The following MELK variants were observed in gnomAD, a reference collection of about 807,000 sequenced individuals.
MELK encodes pEg3 kinase.
MELK carries 81 observed loss-of-function variants against 85.0 expected under a neutral mutation model. That is an observed-to-expected ratio of 0.95 (90% CI 0.80 to 1.15). The LOEUF is 1.15. Ranked by LOEUF, MELK falls within the 50% of genes most tolerant of loss-of-function variation. The pLI, the probability that MELK is intolerant of heterozygous loss-of-function variation, is 0.00. For missense variants in MELK, 754 were observed against 777.5 expected (o/e 0.97, Z 0.36); for synonymous variants, 252 against 265.0 (o/e 0.95, Z 0.48).
rs899473677 is a variant in MELK at position 36,668,761 on chromosome 9, C to T, written c.1409-549C>T. ...AACTCCTGACCTCATGATCCGCCCT[C>T]CTCGGCCTCCCAAGGTGCTGGGATT... On this transcript the variant is annotated intron_variant, in intron 14 of 17. Coordinates refer to ENST00000298048, the MANE Select transcript of MELK (RefSeq NM_014791.4). Among the ~76,000 whole-genome samples the T allele has an allele frequency of 5.3e-5, 8 of 152,274 alleles. No homozygotes were observed. In the East Asian group the frequency reaches 1.4e-3, roughly 26 times the overall value.
At chr9:36,598,327 G>T (rs768955410) in intron 6 of MELK, among the ~76,000 whole-genome samples, 48 of 152,186 alleles carry the variant, frequency 3.2e-4, no homozygotes, top group Non-Finnish European at 6.5e-4. Flanking sequence ...TGGCTGCCAC[G>T]GATTACACAC....
chr9:36,622,353 A>G (rs750054333), intron 8 of MELK, among the ~76,000 whole-genome samples: 3 of 152,198 alleles, frequency 2.0e-5, no homozygotes, highest in Non-Finnish European at 4.4e-5. Flanking sequence ...ATGTTCTAAA[A>G]TTCCTCACTT....
At chr9:36,647,670 G>A (rs1203899363) in intron 11 of MELK, among the ~76,000 whole-genome samples, 1 of 151,798 alleles carries the variant, frequency 6.6e-6, no homozygotes, top group East Asian at 1.9e-4. Flanking sequence ...TGTATTTTTT[G>A]TAGAGACAGG....
chr9:36,637,908 A>C (rs964774181), intron 10 of MELK, among the ~76,000 whole-genome samples: 1 of 152,156 alleles, frequency 6.6e-6, no homozygotes, highest in African/African-American at 2.4e-5. Context: ...ATATCTATTG[A>C]GCAAATATAA....
chr9:36,601,773 C>T (rs1265415073), intron 7 of MELK, among the ~76,000 whole-genome samples: 1 of 152,164 alleles, frequency 6.6e-6, no homozygotes, highest in African/African-American at 2.4e-5. Context: ...CCTTCTGTCT[C>T]TATGAATTTG....
At chr9:36,628,958 C>G (rs888834442) in intron 8 of MELK, among the ~76,000 whole-genome samples, 1 of 151,064 alleles carries the variant, frequency 6.6e-6, no homozygotes, top group African/African-American at 2.4e-5. Context: ...CCTCCGCCTC[C>G]TGAGTTCAAG....
Position 36,671,136 on chromosome 9 carries a change from T to C in MELK, c.1644T>C (p.Gly548=), listed in dbSNP as rs1196470097. Residue 548 remains glycine, a synonymous_variant, in exon 16 of 18, where the codon GGT becomes GGC. Transcript: ENST00000298048. ...TGCTCACCAGGAGCAAAAGGAAGGGTTCTGCCAGAGACGGGCCCAGAAGAC... is the reference window on the plus strand; with the variant it reads ...TGCTCACCAGGAGCAAAAGGAAGGGCTCTGCCAGAGACGGGCCCAGAAGAC... ...ITVLTRSKRK[G]SARDGPRRLK... The C allele has an allele frequency of 7.5e-6, 12 of 1,608,034 alleles. No individual in the cohort carries two copies. The highest frequency in any genetic ancestry group is 9.3e-6 in the Non-Finnish European group (11 of 1,177,106).
At chr9:36,593,779 C>T (rs1823894075) in intron 4 of MELK, among the ~76,000 whole-genome samples, 1 of 152,140 alleles carries the variant, frequency 6.6e-6, no homozygotes, top group African/African-American at 2.4e-5. Flanking sequence ...GCAACCTCTG[C>T]CTCCCGGGTT....
chr9:36,609,298 A>G (rs961887620), intron 8 of MELK, among the ~76,000 whole-genome samples: 1 of 152,210 alleles, frequency 6.6e-6, no homozygotes, highest in African/African-American at 2.4e-5. Context: ...AATCAAAAAA[A>G]TCACAGGAAG....
chr9:36,606,292 G>A (rs1213374979), intron 7 of MELK, among the ~76,000 whole-genome samples: 1 of 147,590 alleles, frequency 6.8e-6, no homozygotes, highest in African/African-American at 2.5e-5. Flanking sequence ...ATGTATAGGT[G>A]TGTATATAAT....
At chr9:36,634,811 A>G (rs1828965763) in intron 10 of MELK, among the ~76,000 whole-genome samples, 1 of 152,012 alleles carries the variant, frequency 6.6e-6, no homozygotes, top group Non-Finnish European at 1.5e-5. Context: ...AGCCTGACCA[A>G]TATGGTGAAA....
At chr9:36,647,701 C>A (rs1341951333) in intron 11 of MELK, among the ~76,000 whole-genome samples, 1 of 151,946 alleles carries the variant, frequency 6.6e-6, no homozygotes, top group Non-Finnish European at 1.5e-5. Context: ...GTTGGCTGGG[C>A]TGGTCTCGAT....
intron 4 of MELK, among the ~76,000 whole-genome samples, chr9:36,594,255 TA>T (rs1823943339): frequency 6.6e-6 from 1 of 152,174 alleles, no homozygotes; most frequent in African/African-American, 2.4e-5. Flanking sequence ...AGAGAAACAA[TA>T]ATTACTGCTG....
chr9:36,576,379 A>G (rs1261200922), intron 1 of MELK, among the ~76,000 whole-genome samples: 2 of 152,112 alleles, frequency 1.3e-5, no homozygotes, highest in Non-Finnish European at 2.9e-5. Flanking sequence ...ATTTTATCAG[A>G]ATGTCGTTTT....
At chr9:36,602,786 C>T (rs1054110865) in intron 7 of MELK, among the ~76,000 whole-genome samples, 2 of 151,944 alleles carry the variant, frequency 1.3e-5, no homozygotes, top group Non-Finnish European at 2.9e-5. Flanking sequence ...CTCTAACTCC[C>T]GACCCCAGGT....
At chr9:36,637,515 G>GA (rs1438743632) in intron 10 of MELK, among the ~76,000 whole-genome samples, 3 of 152,126 alleles carry the variant, frequency 2.0e-5, no homozygotes, top group Non-Finnish European at 4.4e-5. Context: ...TATGTAATTA[G>GA]AAAAAATAGA....
intron 8 of MELK, among the ~76,000 whole-genome samples, chr9:36,627,479 C>T (rs1407464714): frequency 5.3e-5 from 8 of 150,702 alleles, no homozygotes; most frequent in African/African-American, 1.7e-4. Flanking sequence ...TTCCCTTTAT[C>T]GAAAGCACTC....
Position 36,601,935 on chromosome 9 carries a change from T to C in MELK, c.567+2449T>C, listed in dbSNP as rs920470746. On this transcript the variant is annotated intron_variant, in intron 7 of 17. Coordinates refer to ENST00000298048, the MANE Select transcript of MELK (RefSeq NM_014791.4). Reference sequence around the variant, plus strand: ...TATAAGGCTGAATAATATTCCATTGTATGTATATACCACATTTTGTTTATT... The same window carrying C: ...TATAAGGCTGAATAATATTCCATTGCATGTATATACCACATTTTGTTTATT... Among the ~76,000 whole-genome samples, 9 of 152,366 alleles carry C rather than the reference T, an allele frequency of 5.9e-5. 1 individual carries two copies. In the Middle Eastern group the frequency reaches 0.02, roughly 346 times the overall value.
intron 7 of MELK, among the ~76,000 whole-genome samples, chr9:36,600,877 G>A (rs1248398610): frequency 4.6e-5 from 7 of 152,060 alleles, no homozygotes; most frequent in South Asian, 2.1e-4. Context: ...AACTGTTTCC[G>A]GTGACTTTTT....
Sources: allele counts gnomAD v4.1 joint callset (sites outside exome capture counted in the v4.1 genomes callset), GRCh38; gene constraint gnomAD v4.1.1; transcripts MANE v1.5; gene names NCBI Gene and HGNC (gene_info 2026-07-23, HGNC 2026-07-21).